Variants in DOK6 observed in about 807,000 individuals in gnomAD.
DOK6 encodes the protein downstream of tyrosine kinase 6.
Under a neutral mutation model 44.0 loss-of-function variants are expected in DOK6, and 22 were observed. The observed-to-expected ratio is 0.50, with a 90% CI of 0.36 to 0.71. The LOEUF (loss-of-function observed/expected upper bound fraction) is 0.71, where lower values mean the gene tolerates loss of function less well. DOK6 is among the 30% of genes least tolerant of loss of function. The pLI is 0.00. For synonymous variants in DOK6, 166 were observed against 145.5 expected, an observed-to-expected ratio of 1.14 and a Z score of -1.01; for missense variants, 340 against 416.4, an observed-to-expected ratio of 0.82 and a Z score of 1.60.
At chr18:69,814,574 A>G (rs1981340777) in intron 7 of DOK6, among the ~76,000 whole-genome samples, 1 of 152,172 alleles carries the variant, frequency 6.6e-6, no homozygotes, top group Non-Finnish European at 1.5e-5. Context: ...TTTATGAAGA[A>G]AAGAGGTTTA....
At chr18:69,762,576 G>A (rs532356505) in intron 7 of DOK6, among the ~76,000 whole-genome samples, 2 of 152,296 alleles carry the variant, frequency 1.3e-5, no homozygotes, top group South Asian at 4.1e-4. Context: ...TATTTTTTAG[G>A]TGAAGCTGAG....
At chr18:69,591,356 CA>C (rs1230608500) in intron 2 of DOK6, among the ~76,000 whole-genome samples, 1 of 152,018 alleles carries the variant, frequency 6.6e-6, no homozygotes, top group African/African-American at 2.4e-5. Context: ...AAGAAAAAAA[CA>C]GCTATTTTAA....
intron 1 of DOK6, among the ~76,000 whole-genome samples, chr18:69,509,618 A>G (rs912142609): frequency 1.0e-4 from 15 of 144,992 alleles, no homozygotes; most frequent in African/African-American, 3.9e-4. Flanking sequence ...AGCCTGGGCA[A>G]CAGAGCTAGG....
intron 1 of DOK6, among the ~76,000 whole-genome samples, chr18:69,490,721 A>G (rs1980712390): frequency 6.6e-6 from 1 of 152,210 alleles, no homozygotes; most frequent in Non-Finnish European, 1.5e-5. Context: ...AAATATAAAT[A>G]TAACTGATTC....
intron 1 of DOK6, among the ~76,000 whole-genome samples, chr18:69,411,982 A>G (rs1292493079): frequency 6.6e-6 from 1 of 152,142 alleles, no homozygotes; most frequent in Non-Finnish European, 1.5e-5. Context: ...TGTTAAAACT[A>G]TTCATTGCTA....
rs960982926 is a variant in DOK6, at chr18:69,486,159, T to C, written c.67-78328T>C. ...CATTATTATTATAAGTAATAATGTC[T>C]ACATTCTTCTTTTGCAGAGTATAGA... On this transcript the variant is annotated intron_variant, in intron 1 of 7. Transcript: ENST00000382713. Among the ~76,000 whole-genome samples the C allele has an allele frequency of 3.3e-5, 5 of 151,970 alleles. No individual in the cohort carries two copies. The South Asian group carries it at 6.2e-4, about 19-fold the overall frequency.
At chr18:69,751,329 A>C (rs1338979432) in intron 6 of DOK6, among the ~76,000 whole-genome samples, 1 of 54,930 alleles carries the variant, frequency 1.8e-5, no homozygotes, top group Non-Finnish European at 7.1e-5. Flanking sequence ...TGTATTCATA[A>C]ATTATAATAT....
At chr18:69,617,430 GAA>G (rs1252244721) in intron 3 of DOK6, among the ~76,000 whole-genome samples, 2 of 149,158 alleles carry the variant, frequency 1.3e-5, no homozygotes, top group African/African-American at 2.5e-5. Flanking sequence ...GAAAAAGAAA[GAA>G]AGAGGGAGGG....
At chr18:69,681,174 A>G (rs1423090347) in intron 4 of DOK6, among the ~76,000 whole-genome samples, 1 of 152,210 alleles carries the variant, frequency 6.6e-6, no homozygotes, top group Non-Finnish European at 1.5e-5. Context: ...TTTTCTACTA[A>G]GAGATATGTG....
At chr18:69,582,028 G>A (rs1983382427) in intron 2 of DOK6, among the ~76,000 whole-genome samples, 2 of 152,142 alleles carry the variant, frequency 1.3e-5, no homozygotes, top group Non-Finnish European at 2.9e-5. Flanking sequence ...GTTCTAATGT[G>A]GAACAAAAAA....
chr18:69,476,311 A>G (rs1980260276), intron 1 of DOK6, among the ~76,000 whole-genome samples: 1 of 152,226 alleles, frequency 6.6e-6, no homozygotes, highest in Non-Finnish European at 1.5e-5. Flanking sequence ...TTTTTTCTAC[A>G]TGAAGAATAT....
chr18:69,564,358 G>A, intron 1 of DOK6, 129 bp from the exon 2 acceptor site: 1 of 679,900 alleles, frequency 1.5e-6, no homozygotes, highest in Non-Finnish European at 2.5e-6. Context: ...TCTTAATTAA[G>A]AACATGTTTG....
At chr18:69,785,179 T>C (rs1980393767) in intron 7 of DOK6, among the ~76,000 whole-genome samples, 1 of 152,200 alleles carries the variant, frequency 6.6e-6, no homozygotes, top group Admixed American at 6.5e-5. Flanking sequence ...CAATGTTCTG[T>C]TAATATAGTA....
chr18:69,593,270 G>T (rs112711811), intron 2 of DOK6, among the ~76,000 whole-genome samples: 1 of 152,078 alleles, frequency 6.6e-6, no homozygotes, highest in Non-Finnish European at 1.5e-5. Context: ...TACTTGGAAG[G>T]CTGAAGCAAG....
intron 7 of DOK6, among the ~76,000 whole-genome samples, chr18:69,759,998 TGTATAC>T (rs1979491161): frequency 6.6e-6 from 1 of 152,208 alleles, no homozygotes; most frequent in South Asian, 2.1e-4. Flanking sequence ...TTTACCACCC[TGTATAC>T]CCCTCAGTGT....
At chr18:69,690,762 G>C (rs943581339) in intron 4 of DOK6, among the ~76,000 whole-genome samples, 6 of 152,160 alleles carry the variant, frequency 3.9e-5, no homozygotes, top group African/African-American at 1.4e-4. Context: ...CCAGATTCTT[G>C]AGGACTTACT....
At chr18:69,669,048 T>C (rs1272569412) in intron 3 of DOK6, among the ~76,000 whole-genome samples, 1 of 152,226 alleles carries the variant, frequency 6.6e-6, no homozygotes, top group African/African-American at 2.4e-5. Flanking sequence ...AATCTTCTAC[T>C]TTTTCTTCTT....
chr18:69,818,005 G>A (rs996487635), intron 7 of DOK6, among the ~76,000 whole-genome samples: 9 of 152,164 alleles, frequency 5.9e-5, no homozygotes, highest in Admixed American at 5.2e-4. Context: ...GAGAAACTCA[G>A]GAAGATTCCT....
At chr18:69,739,821 G>A (rs1978739826) in intron 6 of DOK6, among the ~76,000 whole-genome samples, 1 of 152,104 alleles carries the variant, frequency 6.6e-6, no homozygotes, top group Admixed American at 6.5e-5. Context: ...ATGCATCAGA[G>A]TTCATCTATA....
Sources: allele counts gnomAD v4.1 joint callset (sites outside exome capture counted in the v4.1 genomes callset), GRCh38; gene constraint gnomAD v4.1.1; transcripts MANE v1.5; gene names NCBI Gene and HGNC (gene_info 2026-07-23, HGNC 2026-07-21).